SEL1L3: variants seen among roughly 807,000 people sequenced by gnomAD.
The protein encoded by SEL1L3 is protein sel-1 homolog 3.
Under a neutral mutation model 142.8 loss-of-function variants are expected in SEL1L3, and 76 were observed. The ratio of observed to expected loss-of-function variants is 0.53; its 90% CI spans 0.44 to 0.64. The LOEUF (loss-of-function observed/expected upper bound fraction) is 0.64, where lower values mean the gene tolerates loss of function less well. Ranked by LOEUF, SEL1L3 falls within the 30% of genes least tolerant of loss-of-function variation. The probability of loss-of-function intolerance (pLI) is 0.00; values close to 1 mark genes in which losing one functional copy is unlikely to be tolerated. For synonymous variants in SEL1L3, 504 were observed against 519.6 expected, an observed-to-expected ratio of 0.97 and a Z score of 0.41; for missense variants, 1,262 against 1,381.7, an observed-to-expected ratio of 0.91 and a Z score of 1.37.
At chr4:25,766,256 T>C (rs1718719449) in intron 19 of SEL1L3, among the ~76,000 whole-genome samples, 1 of 151,994 alleles carries the variant, frequency 6.6e-6, no homozygotes, top group Non-Finnish European at 1.5e-5. Context: ...CTGGCTAACA[T>C]GGTGAAATCC....
At chr4:25,733,499 G>T in the SEL1L3 span, among the ~76,000 whole-genome samples, 1,660 of 143,278 alleles carry the variant, frequency 0.012, 34 homozygotes, top group African/African-American at 0.041. Flanking sequence ...AGTTGTTATA[G>T]TATTTTTTTT....
rs757188003 is a variant in SEL1L3 at position 25,822,103 on chromosome 4, CATT to C, written c.1180_1182del (p.Asn394del). 5 of 1,613,948 alleles carry C rather than the reference CATT, an allele frequency of 3.1e-6. No individual in the cohort carries two copies. The highest frequency in any genetic ancestry group is 3.4e-6 in the Non-Finnish European group (4 of 1,179,868). ...CCAATAATGAAGTACCCAGCTGTGTCATTATAATGGAAATCCTCCCGGAAGCTA... is the reference window on the plus strand; with the variant it reads ...CCAATAATGAAGTACCCAGCTGTGTCATAATGGAAATCCTCCCGGAAGCTA... On this transcript the variant is annotated inframe_deletion, in exon 7 of 24. Transcript: ENST00000399878.
chr4:25,721,886 T>C, the SEL1L3 span, among the ~76,000 whole-genome samples: 1 of 152,214 alleles, frequency 6.6e-6, no homozygotes, highest in African/African-American at 2.4e-5. Context: ...CGTCTTCAAA[T>C]GTGTTTGCAC....
chr4:25,807,019 T>C (rs544789130), intron 9 of SEL1L3, among the ~76,000 whole-genome samples: 2 of 152,340 alleles, frequency 1.3e-5, no homozygotes, highest in African/African-American at 4.8e-5. Context: ...TATCCAAATC[T>C]ATTTACATAT....
At chr4:25,722,057 G>A in the SEL1L3 span, among the ~76,000 whole-genome samples, 2 of 152,144 alleles carry the variant, frequency 1.3e-5, no homozygotes, top group Admixed American at 1.3e-4. Flanking sequence ...GTGTGCACAC[G>A]AGTTTACAGG....
chr4:25,765,182 T>A, intron 20 of SEL1L3, 144 bp downstream of exon 20: 2 of 620,904 alleles, frequency 3.2e-6, no homozygotes, highest in Non-Finnish European at 2.9e-6. Context: ...TTTGTAGAGA[T>A]GGGGTTTCGC....
chr4:25,842,750 G>T (rs1186554095), intron 2 of SEL1L3, among the ~76,000 whole-genome samples: 1 of 152,248 alleles, frequency 6.6e-6, no homozygotes, highest in South Asian at 2.1e-4. Context: ...GAGTGCAGGG[G>T]CCTATGATCA....
At chr4:25,861,168 C>G (rs2109332076) in intron 1 of SEL1L3, among the ~76,000 whole-genome samples, 1 of 152,292 alleles carries the variant, frequency 6.6e-6, no homozygotes, top group Middle Eastern at 3.4e-3. Flanking sequence ...GCCCTGTGTA[C>G]AGGGATCATC....
the SEL1L3 span, among the ~76,000 whole-genome samples, chr4:25,729,290 T>G: frequency 2.0e-5 from 3 of 152,256 alleles, no homozygotes; most frequent in South Asian, 6.2e-4. Context: ...TAGACCTAAT[T>G]TTACTGCATT....
At chr4:25,805,358 C>A (rs1415448322) in intron 9 of SEL1L3, among the ~76,000 whole-genome samples, 1 of 152,082 alleles carries the variant, frequency 6.6e-6, no homozygotes, top group Non-Finnish European at 1.5e-5. Context: ...TTCAGCATCC[C>A]CATTTTTTAC....
At chr4:25,833,307 T>G in intron 4 of SEL1L3, 141 bp downstream of exon 4, 2 of 809,780 alleles carry the variant, frequency 2.5e-6, no homozygotes, top group Non-Finnish European at 3.9e-6. Context: ...AAGTTAAATT[T>G]GAAGCCCACA....
At chr4:25,738,158 G>C in the SEL1L3 span, among the ~76,000 whole-genome samples, 7 of 152,080 alleles carry the variant, frequency 4.6e-5, no homozygotes, top group Non-Finnish European at 8.8e-5. Flanking sequence ...CAAAGTGCTG[G>C]GATTACAGGC....
chr4:25,730,663 CTT>C, the SEL1L3 span, among the ~76,000 whole-genome samples: 1 of 152,108 alleles, frequency 6.6e-6, no homozygotes, highest in African/African-American at 2.4e-5. Flanking sequence ...TTGGTTTTGA[CTT>C]TGCTTCTGAG....
chr4:25,853,432 T>A (rs2109319142), intron 1 of SEL1L3, among the ~76,000 whole-genome samples: 1 of 152,344 alleles, frequency 6.6e-6, no homozygotes, highest in Admixed American at 6.5e-5. Context: ...AGACATATGT[T>A]ATCCAACATG....
Position 25,788,569 on chromosome 4 carries a change from C to CGT in SEL1L3, c.2077-207_2077-206dup, listed in dbSNP as rs58435041. ...CCCTTAATGCAAGCCAGAAATGGTTCGTGTGTGTGTGTGTGTGTGTGTGTG... is the reference window on the plus strand; with the variant it reads ...CCCTTAATGCAAGCCAGAAATGGTTCGTGTGTGTGTGTGTGTGTGTGTGTGTG... On this transcript the variant is annotated intron_variant, in intron 12 of 23. Coordinates refer to ENST00000399878, the MANE Select transcript of SEL1L3 (RefSeq NM_015187.5). This position sits in a 1 kb window ranked among gnomAD's most constrained non-coding sequence, Gnocchi z 5.3. Among the ~76,000 whole-genome samples the CGT allele has an allele frequency of 0.028, 3,940 of 139,868 alleles. 62 individuals are homozygous for CGT. Among genetic ancestry groups the CGT allele is most frequent in the East Asian group, 0.041 (187 of 4,512 alleles). The allele number at this position is 139,868 out of a possible 152,430, so 91.8% of individuals were successfully genotyped here.
chr4:25,747,577 A>AACACACAC lies in SEL1L3; in HGVS notation c.*840_*847dup, dbSNP rs112749321. ...CATTCTGCTCTTCCTCTTCCTCTCTAACACACACACACACACACACACACA... is the reference window on the plus strand; with the variant it reads ...CATTCTGCTCTTCCTCTTCCTCTCTAACACACACACACACACACACACACACACACACA... On this transcript the variant is annotated 3_prime_UTR_variant, in exon 24 of 24. Transcript: ENST00000399878. The AACACACAC allele has an allele frequency of 0.07, 10,240 of 145,624 alleles. 372 individuals are homozygous for AACACACAC. Among genetic ancestry groups the AACACACAC allele is most frequent in the African/African-American group, 0.1 (4,046 of 39,706 alleles). The allele number at this position is 145,624 out of a possible 1,614,324, so 9.0% of individuals were successfully genotyped here.
At chr4:25,723,705 G>A in the SEL1L3 span, among the ~76,000 whole-genome samples, 8 of 152,228 alleles carry the variant, frequency 5.3e-5, no homozygotes, top group South Asian at 1.7e-3. Flanking sequence ...TTAGTGTTAT[G>A]GCATGCCCCT....
chr4:25,791,191 T>C (rs1315411487), intron 11 of SEL1L3, among the ~76,000 whole-genome samples: 2 of 152,258 alleles, frequency 1.3e-5, no homozygotes, highest in Non-Finnish European at 2.9e-5. Flanking sequence ...CGTATTACTA[T>C]CCTGCATGAC....
chr4:25,823,410 G>A (rs555765479), intron 6 of SEL1L3, among the ~76,000 whole-genome samples: 12 of 152,068 alleles, frequency 7.9e-5, no homozygotes, highest in African/African-American at 2.9e-4. Flanking sequence ...GCTACTCAGG[G>A]GGCTAATACA....
Sources: gnomAD v4.1 joint callset for allele counts (sites outside exome capture counted in the v4.1 genomes callset) on GRCh38, gnomAD v4.1.1 for gene constraint, Gnocchi (gnomAD v3.1) non-coding constraint, MANE v1.5 for transcripts, NCBI Gene and HGNC (gene_info 2026-07-23, HGNC 2026-07-21) for gene names.